Variants in TRAK1 observed in about 807,000 individuals in gnomAD.
The protein encoded by TRAK1 is trafficking kinesin-binding protein 1.
A neutral mutation model predicts 92.1 loss-of-function variants in TRAK1; 33 were observed. That is an observed-to-expected ratio of 0.36 (90% CI 0.27 to 0.48). The LOEUF is 0.48. Ranked by LOEUF, TRAK1 falls within the 20% of genes least tolerant of loss-of-function variation. The pLI is 0.99. For missense variants in TRAK1, 1,123 were observed against 1,257.9 expected (o/e 0.89, Z 1.62); for synonymous variants, 521 against 517.3 (o/e 1.01, Z -0.10).
intron 1 of TRAK1, among the ~76,000 whole-genome samples, chr3:42,092,023 G>A (rs1358212027): frequency 1.3e-5 from 2 of 152,168 alleles, no homozygotes; most frequent in Admixed American, 1.3e-4. Context: ...GGTCAGCAAG[G>A]AGTTTTTCAG....
At chr3:42,188,247 A>C in intron 5 of TRAK1, 102 bp downstream of exon 5, 1 of 1,048,330 alleles carries the variant, frequency 9.5e-7, no homozygotes, top group Non-Finnish European at 1.5e-6. Context: ...GCAGCAATGG[A>C]GGTCAGCTGC....
intron 2 of TRAK1, among the ~76,000 whole-genome samples, chr3:42,137,481 ATAAC>A (rs968742884): frequency 1.1e-4 from 16 of 152,354 alleles, no homozygotes; most frequent in African/African-American, 3.1e-4. Flanking sequence ...TGTTTGGAAA[ATAAC>A]AAACAGGTAA....
chr3:42,223,554 C>T lies in TRAK1; in HGVS notation c.2679C>T (p.Gly893=). 1 of 1,613,812 alleles carries T rather than the reference C, an allele frequency of 6.2e-7. No homozygotes were observed. The highest frequency in any genetic ancestry group is 1.1e-5 in the South Asian group (1 of 91,080). The change falls in exon 16 of 16, where the codon GGC becomes GGT. Residue 893 remains glycine (G), a synonymous_variant. Transcript: ENST00000327628. The surrounding 1 kb of genome is among the most constrained non-coding windows in gnomAD (Gnocchi z 6.1). Reference sequence around the variant, plus strand: ...TTCCCAGAGGCCTGGTACCTGAGGGCCTGCCCCTCAGATGCCCCACTGTCA... The same window carrying T: ...TTCCCAGAGGCCTGGTACCTGAGGGTCTGCCCCTCAGATGCCCCACTGTCA... The part of the protein sequence containing the change: ...ALVPRGLVPE[G]LPLRCPTVTS...
At chr3:42,132,783 C>A (rs1697384104) in intron 2 of TRAK1, among the ~76,000 whole-genome samples, 1 of 152,160 alleles carries the variant, frequency 6.6e-6, no homozygotes, top group African/African-American at 2.4e-5. Flanking sequence ...ATACCAGCCA[C>A]ATGTTGGTGA....
chr3:42,138,107 T>C (rs78945948), intron 2 of TRAK1, among the ~76,000 whole-genome samples: 3,655 of 152,308 alleles, frequency 0.024, 127 homozygotes, highest in African/African-American at 0.083. Context: ...TAGTGTGGTT[T>C]TCTTTTTCAA....
At chr3:42,191,003 G>A (rs867252833) in intron 6 of TRAK1, among the ~76,000 whole-genome samples, 4 of 152,168 alleles carry the variant, frequency 2.6e-5, no homozygotes, top group African/African-American at 7.2e-5. Context: ...GTTGTCCAGA[G>A]TCCTGGGGTG....
At chr3:42,039,845 G>A (rs559074265) in intron 1 of TRAK1, among the ~76,000 whole-genome samples, 3 of 152,218 alleles carry the variant, frequency 2.0e-5, no homozygotes, top group African/African-American at 7.2e-5. Flanking sequence ...CACCAGCAGT[G>A]TATTATGGTT....
At chr3:42,094,270 G>A (rs1445546821) in intron 1 of TRAK1, among the ~76,000 whole-genome samples, 1 of 152,180 alleles carries the variant, frequency 6.6e-6, no homozygotes, top group Non-Finnish European at 1.5e-5. Context: ...ATGGCCCCAG[G>A]GGGAACTTTG....
chr3:42,169,658 C>G (rs1279177433), intron 2 of TRAK1, among the ~76,000 whole-genome samples: 1 of 119,290 alleles, frequency 8.4e-6, no homozygotes, highest in Admixed American at 9.6e-5. Context: ...GCAACAAGAG[C>G]AAAACTCCAT....
chr3:42,124,454 C>T (rs1282669435), intron 1 of TRAK1, among the ~76,000 whole-genome samples: 4 of 152,194 alleles, frequency 2.6e-5, no homozygotes. Flanking sequence ...TGAGTAAGCA[C>T]TGGGATAGAG....
rs772309982 is a variant in TRAK1 at position 42,224,124 on chromosome 3, G to C, written c.*387G>C. The C allele has an allele frequency of 4.3e-6, 2 of 461,996 alleles. No individual in the cohort carries two copies. The highest frequency in any genetic ancestry group is 8.6e-6 in the Non-Finnish European group (2 of 231,342). 28.6% of individuals were successfully genotyped at this position (461,996 alleles called of 1,614,324 possible). A position where few individuals can be genotyped will look rare whatever the true frequency, so the allele number is the denominator to read the frequency against. On this transcript the variant is annotated 3_prime_UTR_variant, in exon 16 of 16. Coordinates refer to ENST00000327628, the MANE Select transcript of TRAK1 (RefSeq NM_001042646.3). ...AGGAAACCAGTGAATTCCGTGGCTG[G>C]CACACCACGAGCTGTCACGCGGCAC... is the stretch of plus-strand genomic sequence containing the variant.
intron 1 of TRAK1, among the ~76,000 whole-genome samples, chr3:42,049,356 AT>A (rs1296968196): frequency 6.6e-6 from 1 of 151,958 alleles, no homozygotes; most frequent in Non-Finnish European, 1.5e-5. Context: ...GCTTTTAGAA[AT>A]ATCTAAATTT....
At chr3:42,095,718 GTCATCATCA>G (rs1553713896) in intron 1 of TRAK1, among the ~76,000 whole-genome samples, 2 of 151,188 alleles carry the variant, frequency 1.3e-5, no homozygotes, top group Non-Finnish European at 2.9e-5. Flanking sequence ...CTTTATCATC[GTCATCATCA>G]TCATCATCAT....
At chr3:42,188,383 T>C (rs1483999160) in intron 5 of TRAK1, among the ~76,000 whole-genome samples, 2 of 152,210 alleles carry the variant, frequency 1.3e-5, no homozygotes, top group South Asian at 2.1e-4. Context: ...TATTTGTCAA[T>C]TTAGATTGAT....
intron 1 of TRAK1, among the ~76,000 whole-genome samples, chr3:42,110,094 G>GTA (rs375315730): frequency 0.055 from 4,523 of 82,946 alleles, 269 homozygotes; most frequent in Non-Finnish European, 0.061. Context: ...AGAACTTAAA[G>GTA]TATATATATA....
Position 42,188,259 on chromosome 3 carries a change from C to G in TRAK1, c.581+114C>G, listed in dbSNP as rs1408262790. The G allele has an allele frequency of 2.8e-5, 26 of 915,318 alleles. No individual in the cohort carries two copies. The Admixed American group carries it at 4.4e-4, about 15-fold the overall frequency. The allele number at this position is 915,318 out of a possible 1,614,324, so 56.7% of individuals were successfully genotyped here. ...TCAGCAGCAATGGAGGTCAGCTGCT[C>G]TCAGCCTTCTCTGGACCAAACACCT... is the stretch of plus-strand genomic sequence containing the variant. On this transcript the variant is annotated intron_variant, in intron 5 of 15. Transcript: ENST00000327628.
chr3:42,111,664 G>A (rs1708423772), intron 1 of TRAK1, among the ~76,000 whole-genome samples: 1 of 152,042 alleles, frequency 6.6e-6, no homozygotes, highest in Admixed American at 6.6e-5. Flanking sequence ...CAAAGTGCTG[G>A]GATAACAGGT....
At chr3:42,184,555 A>G in intron 3 of TRAK1, 130 bp from the exon 4 acceptor site, 1 of 926,482 alleles carries the variant, frequency 1.1e-6, no homozygotes, top group Non-Finnish European at 1.7e-6. Context: ...ATGCTAACAC[A>G]GATGGTGAAT....
At chr3:42,120,965 C>G (rs148737653) in intron 1 of TRAK1, among the ~76,000 whole-genome samples, 15 of 152,320 alleles carry the variant, frequency 9.8e-5, no homozygotes, top group Middle Eastern at 6.8e-3. Flanking sequence ...ACAAAAACTT[C>G]CTGATGATGA....
Sources: gnomAD v4.1 joint callset for allele counts (sites outside exome capture counted in the v4.1 genomes callset) on GRCh38, gnomAD v4.1.1 for gene constraint, Gnocchi (gnomAD v3.1) non-coding constraint, MANE v1.5 for transcripts, NCBI Gene and HGNC (gene_info 2026-07-23, HGNC 2026-07-21) for gene names.